The following XG variants were observed in gnomAD, a reference collection of about 807,000 sequenced individuals.
XG encodes glycoprotein Xg.
Under a neutral mutation model 25.7 loss-of-function variants are expected in XG, and 24 were observed. The ratio of observed to expected loss-of-function variants is 0.93; its 90% CI spans 0.68 to 1.31. XG has a LOEUF of 1.31. Ranked by LOEUF, XG falls within the 40% of genes most tolerant of loss-of-function variation. XG has a pLI of 0.00. For missense variants in XG, 181 were observed against 187.6 expected (o/e 0.96, Z 0.21); for synonymous variants, 77 against 69.2 (o/e 1.11, Z -0.56).
At chrX:2,797,586 G>GCACA (rs755459001) in intron 7 of XG, among the ~76,000 whole-genome samples, 110 of 102,570 alleles carry the variant, frequency 1.1e-3, no homozygotes, top group Middle Eastern at 4.8e-3. Context: ...ATACACACAT[G>GCACA]CACACACACA....
chrX:2,799,528 G>A (rs2086916078), intron 7 of XG, among the ~76,000 whole-genome samples: 1 of 111,272 alleles, frequency 9.0e-6, no homozygotes. Context: ...TGGGGCAGAG[G>A]GAAAATGCAG....
At position 2,758,915 on chromosome X, in the gene XG, T is replaced by C. The variant is rs372391525; in HGVS notation, c.61+6580T>C. ...TTATATACACCTATCATCTACCTAA[T>C]CTATCTGTCAATGATTTTCTGTCAT... is the stretch of plus-strand genomic sequence containing the variant. On this transcript the variant is annotated intron_variant, in intron 1 of 10. Coordinates refer to ENST00000644266, the MANE Select transcript of XG (RefSeq NM_001141919.2). Among the ~76,000 whole-genome samples, 12 of 151,168 alleles carry C rather than the reference T, an allele frequency of 7.9e-5. 1 individual carries two copies. The highest frequency in any genetic ancestry group is 6.6e-4 in the Admixed American group (10 of 15,084).
At chrX:2,768,800 A>G (rs2050753450) in intron 1 of XG, among the ~76,000 whole-genome samples, 1 of 152,136 alleles carries the variant, frequency 6.6e-6, no homozygotes, top group Non-Finnish European at 1.5e-5. Context: ...AACAACAATA[A>G]AGAAAAAATA....
chrX:2,777,509 C>A (rs1235849189), intron 3 of XG, among the ~76,000 whole-genome samples: 5 of 152,180 alleles, frequency 3.3e-5, no homozygotes, highest in Non-Finnish European at 7.3e-5. Context: ...GGGAGGATCA[C>A]TTGAGCCCCA....
At position 2,804,557 on chromosome X, in the gene XG, C is replaced by T. The variant is rs180895243; in HGVS notation, c.374-2144C>T. On this transcript the variant is annotated intron_variant, in intron 7 of 10. Coordinates refer to ENST00000644266, the MANE Select transcript of XG (RefSeq NM_001141919.2). ...TATAAAGCGAGCCGTCCCCACACCCCTACAGCCTACGAATGAGCCTTTTCA... is the reference window on the plus strand; with the variant it reads ...TATAAAGCGAGCCGTCCCCACACCCTTACAGCCTACGAATGAGCCTTTTCA... 2.4e-3 allele frequency among the ~76,000 whole-genome samples: 265 copies of T among 111,596 alleles called. 1 individual carries two copies. Among genetic ancestry groups the T allele is most frequent in the African/African-American group, 8.3e-3 (254 of 30,748 alleles).
At chrX:2,775,047 C>G (rs2050946825) in intron 3 of XG, 1 of 395,736 alleles carries the variant, frequency 2.5e-6, no homozygotes. Flanking sequence ...GGTACAGCCA[C>G]TGTGAACAAA....
At position 2,770,573 on chromosome X, in the gene XG, G is replaced by C. The variant is rs780283314; in HGVS notation, c.85G>C (p.Asp29His). The change falls in exon 2 of 11, where the codon GAT becomes CAT. Residue 29 changes from aspartate (D) to histidine (H), a missense_variant. By Grantham distance (81) the Asp-to-His change is moderately conservative. Coordinates refer to ENST00000644266, the MANE Select transcript of XG (RefSeq NM_001141919.2). ...AGGTCAAAGAGACTTTGATTTGGCAGATGCCCTTGATGACCCTGGTAAGTG... is the reference window on the plus strand; with the variant it reads ...AGGTCAAAGAGACTTTGATTTGGCACATGCCCTTGATGACCCTGGTAAGTG... ...ARGQRDFDLA[D>H]ALDDPEPTKK... 1.9e-6 allele frequency: 3 copies of C among 1,613,950 alleles called. No individual in the cohort carries two copies. Among genetic ancestry groups the C allele is most frequent in the Non-Finnish European group, 2.5e-6 (3 of 1,179,870 alleles).
At chrX:2,808,657 C>A in intron 9 of XG, 1 of 539,773 alleles carries the variant, frequency 1.9e-6, no homozygotes, top group Non-Finnish European at 2.3e-6. Context: ...GAACTTGAAG[C>A]CCAGAAGGCT....
chrX:2,807,717 G>A (rs1321637853), intron 8 of XG, among the ~76,000 whole-genome samples: 4 of 112,577 alleles, frequency 3.6e-5, no homozygotes, highest in Non-Finnish European at 7.5e-5. Flanking sequence ...GTGTGTAAAT[G>A]CATGTGTGTG....
rs1387615376 is a variant in XG at position 2,787,672 on chromosome X, C to T, written c.191-1972C>T. Among the ~76,000 whole-genome samples the T allele has an allele frequency of 9.1e-5, 10 of 109,900 alleles. No homozygotes were observed. The South Asian group carries it at 2.4e-3, about 26-fold the overall frequency. ...CTGTAATCCCAGCCCTTTCAGAGGC[C>T]GACGTGGGTGGATCACCTGAAGTCA... is the stretch of plus-strand genomic sequence containing the variant. On this transcript the variant is annotated intron_variant, in intron 4 of 10. Coordinates refer to ENST00000644266, the MANE Select transcript of XG (RefSeq NM_001141919.2).
chrX:2,787,884 G>T (rs2086799201), intron 4 of XG, among the ~76,000 whole-genome samples: 1 of 96,500 alleles, frequency 1.0e-5, no homozygotes, highest in African/African-American at 4.0e-5. Flanking sequence ...TCCAGCCTGG[G>T]CAACAACAGC....
intron 5 of XG, among the ~76,000 whole-genome samples, chrX:2,790,756 T>C (rs1310676275): frequency 8.9e-6 from 1 of 111,766 alleles, no homozygotes; most frequent in Non-Finnish European, 1.9e-5. Context: ...GCCAAGATTG[T>C]GCCAATGCAC....
intron 6 of XG, among the ~76,000 whole-genome samples, chrX:2,795,106 T>C (rs1234855010): frequency 1.8e-5 from 2 of 109,597 alleles, no homozygotes; most frequent in African/African-American, 6.6e-5. Flanking sequence ...CGTGGATACC[T>C]TTCTCTGTTT....
chrX:2,791,601 A>G (rs1181884565), intron 5 of XG, among the ~76,000 whole-genome samples: 2 of 109,254 alleles, frequency 1.8e-5, no homozygotes, highest in Non-Finnish European at 3.8e-5. Context: ...CGTACTCCAT[A>G]CTGCTTGATA....
intron 4 of XG, among the ~76,000 whole-genome samples, chrX:2,788,855 T>TAA (rs58649691): frequency 1.3e-4 from 13 of 101,552 alleles, no homozygotes; most frequent in African/African-American, 3.2e-4. Flanking sequence ...AACTCCGTCT[T>TAA]AAAAAAAAAA....
chrX:2,792,070 G>A (rs2086842312), intron 5 of XG, among the ~76,000 whole-genome samples: 2 of 110,965 alleles, frequency 1.8e-5, no homozygotes, highest in African/African-American at 6.6e-5. Flanking sequence ...ACCACTTGAG[G>A]TCAGGAGTTC....
intron 1 of XG, among the ~76,000 whole-genome samples, chrX:2,764,567 G>A (rs1332374005): frequency 1.3e-5 from 2 of 151,870 alleles, no homozygotes; most frequent in African/African-American, 4.8e-5. Flanking sequence ...TGTCCTTCTC[G>A]GGGTCCCTGT....
chrX:2,801,639 G>T (rs1164643764), intron 7 of XG, among the ~76,000 whole-genome samples: 1 of 111,970 alleles, frequency 8.9e-6, no homozygotes, highest in Non-Finnish European at 1.9e-5. Context: ...CTAGGCCCTA[G>T]TTCCTGCCGG....
At chrX:2,795,166 A>C (rs185007081) in intron 6 of XG, among the ~76,000 whole-genome samples, 44 of 107,991 alleles carry the variant, frequency 4.1e-4, no homozygotes, top group African/African-American at 1.3e-3. Context: ...ATATCTTTAC[A>C]TAGGTACATG....
Sources: allele counts gnomAD v4.1 joint callset (sites outside exome capture counted in the v4.1 genomes callset), GRCh38; gene constraint gnomAD v4.1.1; transcripts MANE v1.5; gene names NCBI Gene and HGNC (gene_info 2026-07-23, HGNC 2026-07-21).